PCDHGA2: variants seen among roughly 807,000 people sequenced by gnomAD.
PCDHGA2 encodes protocadherin gamma subfamily A, 2, also known as protocadherin gamma-A2.
A neutral mutation model predicts 59.2 loss-of-function variants in PCDHGA2; 40 were observed. The ratio of observed to expected loss-of-function variants is 0.68; its 90% CI spans 0.52 to 0.88. The LOEUF (loss-of-function observed/expected upper bound fraction) is 0.88. PCDHGA2 is among the 40% of genes least tolerant of loss of function. The pLI is 0.00. For synonymous variants in PCDHGA2, 560 were observed against 526.0 expected (o/e 1.06, Z -0.89); for missense variants, 1,226 against 1,204.0 (o/e 1.02, Z -0.27).
Position 141,340,352 on chromosome 5 carries a change from A to G in PCDHGA2, c.1381A>G (p.Ile461Val), listed in dbSNP as rs1004329937. ...CTCCCGCACATCCTACTCCACCTAC[A>G]TTCCCGAAAACAACCCCAGAGGAGC... is the stretch of plus-strand genomic sequence containing the variant. The part of the protein sequence containing the change: ...AFSRTSYSTY[I>V]PENNPRGASV... The change falls in exon 1 of 4, where the codon ATT (isoleucine) becomes GTT (valine). Residue 461 changes from isoleucine (I) to valine (V), a missense_variant. Coordinates refer to ENST00000394576, the MANE Select transcript of PCDHGA2 (RefSeq NM_018915.4). 12 of 1,613,970 alleles carry G rather than the reference A, an allele frequency of 7.4e-6. No homozygotes were observed. In the Admixed American group the frequency reaches 1.5e-4, roughly 20 times the overall value.
Position 141,477,187 on chromosome 5 carries a change from G to A in PCDHGA2, c.2425-17620G>A, listed in dbSNP as rs2154575648. ...CCCCGGAGATCACAGTCACCTCCGT[G>A]TACAGCCCAGTACCCGAGGATGCCC... On this transcript the variant is annotated intron_variant, in intron 1 of 3. Coordinates refer to ENST00000394576, the MANE Select transcript of PCDHGA2 (RefSeq NM_018915.4). The surrounding 1 kb of genome is among the most constrained non-coding windows in gnomAD (Gnocchi z 4.9). The A allele has an allele frequency of 6.2e-7, 1 of 1,614,190 alleles. No individual in the cohort carries two copies. The highest frequency in any genetic ancestry group is 2.2e-5 in the East Asian group (1 of 44,874).
rs1554087243 is a variant in PCDHGA2, at chr5:141,382,895, C to T, written c.2424+41500C>T. The T allele has an allele frequency of 2.6e-6, 4 of 1,536,202 alleles. No homozygotes were observed. The East Asian group carries it at 6.8e-5, about 26-fold the overall frequency. ...CGGCGCCTAAGCAAGAGAAGCAGGA[C>T]GACTATGGCGGCTCAGCCGAGGGGC... On this transcript the variant is annotated intron_variant, in intron 1 of 3. Transcript: ENST00000394576.
Position 141,470,128 on chromosome 5 carries a change from CA to C in PCDHGA2, c.2425-24670del, listed in dbSNP as rs200356364. Among the ~76,000 whole-genome samples, 62 of 150,148 alleles carry C rather than the reference CA, an allele frequency of 4.1e-4. 1 individual carries two copies. Among genetic ancestry groups the C allele is most frequent in the Middle Eastern group, 3.4e-3 (1 of 294 alleles). On this transcript the variant is annotated intron_variant, in intron 1 of 3. Coordinates refer to ENST00000394576, the MANE Select transcript of PCDHGA2 (RefSeq NM_018915.4). ...TGAGCAACAGAGCAAGACTTCGTCTCAAAAAAAAAGATCATAGATCATCTTA... is the reference window on the plus strand; with the variant it reads ...TGAGCAACAGAGCAAGACTTCGTCTCAAAAAAAAGATCATAGATCATCTTA...
At chr5:141,481,465 T>C (rs561789315) in intron 1 of PCDHGA2, among the ~76,000 whole-genome samples, 2 of 152,334 alleles carry the variant, frequency 1.3e-5, no homozygotes, top group South Asian at 2.1e-4. Context: ...CTGAAAACCA[T>C]TGGATTATAC....
rs532502013 is a variant in PCDHGA2 at position 141,404,723 on chromosome 5, G to A, written c.2424+63328G>A. 3.1e-6 allele frequency: 5 copies of A among 1,614,094 alleles called. No individual in the cohort carries two copies. Among genetic ancestry groups the A allele is most frequent in the Middle Eastern group, 1.6e-4 (1 of 6,062 alleles). On this transcript the variant is annotated intron_variant, in intron 1 of 3. Coordinates refer to ENST00000394576, the MANE Select transcript of PCDHGA2 (RefSeq NM_018915.4). ...AGAGCCTGGCTACCTGGTGACCAAG[G>A]TGGTGGCAGTGGACAGAGACTCAGG...
intron 1 of PCDHGA2, chr5:141,427,176 G>A (rs777424789): frequency 2.2e-6 from 1 of 456,742 alleles, no homozygotes; most frequent in Non-Finnish European, 4.4e-6. Context: ...TCAAAATGGG[G>A]AAATTAAATC....
chr5:141,419,735 G>A (rs1013306543), intron 1 of PCDHGA2: 4 of 1,613,806 alleles, frequency 2.5e-6, no homozygotes, highest in Non-Finnish European at 3.4e-6. Flanking sequence ...AACAGGCGAG[G>A]TGCGCATGGT....
intron 1 of PCDHGA2, chr5:141,389,294 A>C: frequency 1.2e-6 from 2 of 1,613,964 alleles, no homozygotes; most frequent in Non-Finnish European, 8.5e-7. Flanking sequence ...CCTCTATTTC[A>C]CAAGTCAGGG....
intron 1 of PCDHGA2, chr5:141,409,546 C>A (rs775680397): frequency 6.2e-7 from 1 of 1,613,880 alleles, no homozygotes; most frequent in African/African-American, 1.3e-5. Flanking sequence ...TCAACGACAA[C>A]GCCCCAGTTT....
At chr5:141,356,461 A>G in intron 1 of PCDHGA2, 2 of 1,613,614 alleles carry the variant, frequency 1.2e-6, no homozygotes, top group Non-Finnish European at 1.7e-6. Context: ...ATATAACATC[A>G]CTGTAACTGC....
rs138616951 is a variant in PCDHGA2, at chr5:141,490,312, C to T, written c.2425-4495C>T. On this transcript the variant is annotated intron_variant, in intron 1 of 3. Transcript: ENST00000394576. The surrounding 1 kb of genome is among the most constrained non-coding windows in gnomAD (Gnocchi z 5.4). ...GGTGCTATTGGCCTCTTTGGCCAAC[C>T]CTGTCCTAGAGAGCACACCAGTGGG... 67 of 1,614,050 alleles carry T rather than the reference C, an allele frequency of 4.2e-5. No individual in the cohort carries two copies. The highest frequency in any genetic ancestry group is 5.3e-5 in the Non-Finnish European group (63 of 1,180,008).
chr5:141,413,891 C>G, intron 1 of PCDHGA2: 1 of 1,613,382 alleles, frequency 6.2e-7, no homozygotes, highest in East Asian at 2.2e-5. Flanking sequence ...GTCTTCGATG[C>G]AAATGACAAC....
intron 1 of PCDHGA2, chr5:141,419,989 T>C (rs778087109): frequency 4.1e-5 from 66 of 1,613,962 alleles, no homozygotes; most frequent in Non-Finnish European, 5.2e-5. Context: ...TGATTCTAGC[T>C]ATTGCTCTAC....
rs1758904827 is a variant in PCDHGA2 at position 141,352,057 on chromosome 5, G to A, written c.2424+10662G>A. 5 of 1,606,652 alleles carry A rather than the reference G, an allele frequency of 3.1e-6. No individual in the cohort carries two copies. In the African/African-American group the frequency reaches 4.0e-5, roughly 13 times the overall value. On this transcript the variant is annotated intron_variant, in intron 1 of 3. Coordinates refer to ENST00000394576, the MANE Select transcript of PCDHGA2 (RefSeq NM_018915.4). ...ACGCAGACTCAGGACACAACGCTTG[G>A]CTGTCCTACCACGTGCTGCAGGCCA... is the stretch of plus-strand genomic sequence containing the variant.
chr5:141,495,005 C>CG (rs2099758180), intron 2 of PCDHGA2, 140 bp downstream of exon 2: 6 of 1,522,802 alleles, frequency 3.9e-6, no homozygotes, highest in Admixed American at 2.0e-5. Context: ...TCTTGGTGTG[C>CG]GGGGGGCTGG....
rs1404533394 is a variant in PCDHGA2, at chr5:141,491,708, G to T, written c.2425-3099G>T. ...CTGCGGGAGCGGAGCCAGGTGAGGG[G>T]CTCGGCGCCGCCCCGGGCGACCCCT... On this transcript the variant is annotated intron_variant, in intron 1 of 3. Transcript: ENST00000394576. The surrounding 1 kb of genome is among the most constrained non-coding windows in gnomAD (Gnocchi z 6.9). 1 of 1,610,132 alleles carries T rather than the reference G, an allele frequency of 6.2e-7. No individual in the cohort carries two copies. Among genetic ancestry groups the T allele is most frequent in the Admixed American group, 1.7e-5 (1 of 59,518 alleles).
chr5:141,345,744 G>C (rs780252025), intron 1 of PCDHGA2: 37 of 1,614,082 alleles, frequency 2.3e-5, no homozygotes, highest in Non-Finnish European at 2.9e-5. Context: ...CCCCACAGAC[G>C]GTTCCACTGG....
At chr5:141,403,226 C>T (rs1329726577) in intron 1 of PCDHGA2, 1 of 1,613,926 alleles carries the variant, frequency 6.2e-7, no homozygotes, top group South Asian at 1.1e-5. Flanking sequence ...TAGGATAGAC[C>T]GGGAGGAGCT....
At chr5:141,375,802 T>G (rs754541889) in intron 1 of PCDHGA2, 15 of 1,614,072 alleles carry the variant, frequency 9.3e-6, no homozygotes, top group East Asian at 2.2e-5. Flanking sequence ...ACGGTTCCAC[T>G]GGCGTGGAGC....
Sources: gnomAD v4.1 joint callset for allele counts (sites outside exome capture counted in the v4.1 genomes callset) on GRCh38, gnomAD v4.1.1 for gene constraint, Gnocchi (gnomAD v3.1) non-coding constraint, MANE v1.5 for transcripts, NCBI Gene and HGNC (gene_info 2026-07-23, HGNC 2026-07-21) for gene names.